The following CSMD2 variants were observed in gnomAD, a reference collection of about 807,000 sequenced individuals.
The protein encoded by CSMD2 is CUB and Sushi multiple domains 2.
Under a neutral mutation model 398.5 loss-of-function variants are expected in CSMD2, and 130 were observed. The observed-to-expected ratio is 0.33, with a 90% CI of 0.28 to 0.38. CSMD2 has a LOEUF of 0.38. CSMD2 is among the 10% of genes least tolerant of loss of function. The probability of loss-of-function intolerance (pLI) is 1.00; values close to 1 mark genes in which losing one functional copy is unlikely to be tolerated. For synonymous variants in CSMD2, 1,828 were observed against 1,908.5 expected (o/e 0.96, Z 1.10); for missense variants, 3,829 against 4,764.9 (o/e 0.80, Z 5.78).
intron 4 of CSMD2, among the ~76,000 whole-genome samples, chr1:33,932,398 GA>G (rs1030721093): frequency 6.6e-5 from 10 of 152,238 alleles, no homozygotes; most frequent in African/African-American, 2.2e-4. Context: ...AATGAGGGTG[GA>G]AAGTCAGTGA....
At chr1:33,980,787 C>A (rs1646137644) in intron 3 of CSMD2, among the ~76,000 whole-genome samples, 1 of 152,138 alleles carries the variant, frequency 6.6e-6, no homozygotes, top group Admixed American at 6.5e-5. Context: ...ATTGTTCTCA[C>A]TGAAGATGAT....
Position 33,724,616 on chromosome 1 carries a change from C to A in CSMD2, c.2784G>T (p.Leu928=). 6.2e-7 allele frequency: 1 copy of A among 1,614,214 alleles called. No homozygotes were observed. The part of the protein sequence containing the change: ...RHGNDFYVGA[L]VTFSCDSGYT... Reference sequence around the variant, plus strand: ...AGCCCGAGTCACAGCTGAAGGTCACCAGCGCGCCCACGTAGAAGTCATTCC... The same window carrying A: ...AGCCCGAGTCACAGCTGAAGGTCACAAGCGCGCCCACGTAGAAGTCATTCC... Residue 928 remains leucine (L), a synonymous_variant, in exon 18 of 71, where the codon CTG becomes CTT. Transcript: ENST00000373381.
chr1:33,856,484 G>A (rs1215795510), intron 5 of CSMD2, among the ~76,000 whole-genome samples: 2 of 152,144 alleles, frequency 1.3e-5, no homozygotes, highest in African/African-American at 2.4e-5. Context: ...TCCTGCCATA[G>A]AGGGTGGCAC....
intron 21 of CSMD2, among the ~76,000 whole-genome samples, chr1:33,714,188 G>A (rs1272351415): frequency 6.6e-6 from 1 of 152,144 alleles, no homozygotes; most frequent in Non-Finnish European, 1.5e-5. Context: ...CTCCCCCTGG[G>A]CAAAGGTCAT....
At chr1:34,022,333 T>C (rs1399633657) in intron 3 of CSMD2, among the ~76,000 whole-genome samples, 2 of 152,174 alleles carry the variant, frequency 1.3e-5, no homozygotes. Flanking sequence ...TGTCCTCCTA[T>C]GATAAGGGGT....
At chr1:33,993,763 C>T (rs1646637483) in intron 3 of CSMD2, among the ~76,000 whole-genome samples, 1 of 152,168 alleles carries the variant, frequency 6.6e-6, no homozygotes, top group Non-Finnish European at 1.5e-5. Context: ...CCCCTCCTGG[C>T]TGCCCCACCC....
chr1:33,834,546 C>A (rs1330031564), intron 6 of CSMD2, among the ~76,000 whole-genome samples: 1 of 49,970 alleles, frequency 2.0e-5, no homozygotes, highest in Non-Finnish European at 3.0e-5. Context: ...ACCATAAAAA[C>A]CCTAGAAGAA....
chr1:34,146,545 G>A (rs1331083475), intron 1 of CSMD2, among the ~76,000 whole-genome samples: 1 of 152,192 alleles, frequency 6.6e-6, no homozygotes, highest in Admixed American at 6.5e-5. Flanking sequence ...CCCTGCCACT[G>A]CAGTTGTAAG....
chr1:33,826,890 C>T (rs1364703238), intron 6 of CSMD2, among the ~76,000 whole-genome samples: 15 of 152,200 alleles, frequency 9.9e-5, no homozygotes, highest in Non-Finnish European at 1.5e-5. Flanking sequence ...TAGCCCTGCT[C>T]AGATTGATAC....
chr1:34,134,471 A>G (rs916744209), intron 1 of CSMD2, among the ~76,000 whole-genome samples: 2 of 152,244 alleles, frequency 1.3e-5, no homozygotes, highest in African/African-American at 4.8e-5. Flanking sequence ...TTATAAAAGA[A>G]AGCATCAAGA....
intron 3 of CSMD2, among the ~76,000 whole-genome samples, chr1:34,013,230 C>T (rs947777988): frequency 2.6e-4 from 40 of 152,266 alleles, no homozygotes; most frequent in Non-Finnish European, 4.9e-4. Context: ...TTCAATCCAT[C>T]GTTCCCTGGG....
rs111840726 is a variant in CSMD2 at position 34,109,311 on chromosome 1, T to C, written c.188-20118A>G. Among the ~76,000 whole-genome samples, 923 of 152,344 alleles carry C rather than the reference T, an allele frequency of 6.1e-3. 9 individuals are homozygous for C. The highest frequency in any genetic ancestry group is 0.021 in the African/African-American group (878 of 41,580). On this transcript the variant is annotated intron_variant, in intron 1 of 70. Transcript: ENST00000373381. ...TGAATTGTATGAGCACTGATGGTGATTTGAAAGTTGTTCCTATCAAAAGGG... is the reference window on the plus strand; with the variant it reads ...TGAATTGTATGAGCACTGATGGTGACTTGAAAGTTGTTCCTATCAAAAGGG...
chr1:33,677,269 A>C (rs1181524729), intron 25 of CSMD2, among the ~76,000 whole-genome samples: 1 of 152,218 alleles, frequency 6.6e-6, no homozygotes, highest in Non-Finnish European at 1.5e-5. Context: ...TACAAGAAAA[A>C]AACAAACAAC....
At chr1:33,969,075 T>G (rs530341803) in intron 3 of CSMD2, among the ~76,000 whole-genome samples, 1 of 152,136 alleles carries the variant, frequency 6.6e-6, no homozygotes, top group African/African-American at 2.4e-5. Context: ...GAGGTGATCA[T>G]TGAAACGGTG....
In CSMD2 at chr1:33,624,061, A is replaced by C. The variant is rs2148880777; in HGVS notation, c.5625+458T>G. On this transcript the variant is annotated intron_variant, in intron 35 of 70. Transcript: ENST00000373381. This position sits in a 1 kb window ranked among gnomAD's most constrained non-coding sequence, Gnocchi z 4.7. ...TGTGCCTGGGGGTTCTCTGTGCTTCAGCTGTGCTGGGTGCTTTGCTCTTTC... is the reference window on the plus strand; with the variant it reads ...TGTGCCTGGGGGTTCTCTGTGCTTCCGCTGTGCTGGGTGCTTTGCTCTTTC... 6.6e-6 allele frequency among the ~76,000 whole-genome samples: 1 copy of C among 152,308 alleles called. No homozygotes were observed. Among genetic ancestry groups the C allele is most frequent in the South Asian group, 2.1e-4 (1 of 4,826 alleles).
At chr1:33,594,874 C>A (rs1233669022) in intron 44 of CSMD2, among the ~76,000 whole-genome samples, 2 of 152,174 alleles carry the variant, frequency 1.3e-5, no homozygotes, top group Non-Finnish European at 2.9e-5. Flanking sequence ...TAATTTGGAG[C>A]AGCCACAAAG....
At chr1:33,757,613 C>G (rs1649222061) in intron 13 of CSMD2, among the ~76,000 whole-genome samples, 1 of 152,212 alleles carries the variant, frequency 6.6e-6, no homozygotes, top group East Asian at 1.9e-4. Context: ...CTACCACACT[C>G]CAGACTTGAG....
chr1:33,646,557 G>T, intron 29 of CSMD2, 91 bp downstream of exon 29: 1 of 1,404,742 alleles, frequency 7.1e-7, no homozygotes, highest in Non-Finnish European at 9.9e-7. Flanking sequence ...CTGTGGTCCA[G>T]CCCAGGGCTC....
intron 64 of CSMD2, among the ~76,000 whole-genome samples, chr1:33,531,688 T>C (rs1030323158): frequency 1.4e-4 from 22 of 152,190 alleles, no homozygotes; most frequent in African/African-American, 5.3e-4. Context: ...CTTGAAAACA[T>C]TATGCTAAGG....
Sources: gnomAD v4.1 joint callset for allele counts (sites outside exome capture counted in the v4.1 genomes callset) on GRCh38, gnomAD v4.1.1 for gene constraint, Gnocchi (gnomAD v3.1) non-coding constraint, MANE v1.5 for transcripts, NCBI Gene and HGNC (gene_info 2026-07-23, HGNC 2026-07-21) for gene names.